The following ZNF239 variants were observed in gnomAD, a reference collection of about 807,000 sequenced individuals.
ZNF239 encodes the protein zinc finger protein (C2H2) homologous to mouse MOK-2.
Under a neutral mutation model 27.5 loss-of-function variants are expected in ZNF239, and 16 were observed. That is an observed-to-expected ratio of 0.58 (90% CI 0.39 to 0.88). The LOEUF (loss-of-function observed/expected upper bound fraction) is 0.88, where lower values mean the gene tolerates loss of function less well. Ranked by LOEUF, ZNF239 falls within the 40% of genes least tolerant of loss-of-function variation. The pLI, the probability that ZNF239 is intolerant of heterozygous loss-of-function variation, is 0.00. For missense variants in ZNF239, 527 were observed against 551.9 expected, an observed-to-expected ratio of 0.95 and a Z score of 0.45; for synonymous variants, 199 against 192.6, an observed-to-expected ratio of 1.03 and a Z score of -0.27.
Position 43,557,776 on chromosome 10 carries a change from T to A in ZNF239, c.304A>T (p.Thr102Ser). 1 of 1,614,192 alleles carries A rather than the reference T, an allele frequency of 6.2e-7. No homozygotes were observed. The highest frequency in any genetic ancestry group is 8.5e-7 in the Non-Finnish European group (1 of 1,180,040). Residue 102 changes from threonine (T) to serine (S), a missense_variant, in exon 4 of 4, where the codon ACT (threonine) becomes TCT (serine). Transcript: ENST00000374446. ...TCCCCCTTTATCACTTTTCTCTCAG[T>A]GCTTTCTTCCATTACAAAGAGACGT... ...SRRLFVMEESTERKVIKGESC... is the reference protein window; with the variant it reads ...SRRLFVMEESSERKVIKGESC...
Position 43,567,914 on chromosome 10 carries a change from G to A in ZNF239, c.-108C>T, listed in dbSNP as rs1837786598. ...CCTTACCCACCAAGACCAAGTTTCTGTAGTTGCCCAGCATCACAGCTCCGC... is the reference window on the plus strand; with the variant it reads ...CCTTACCCACCAAGACCAAGTTTCTATAGTTGCCCAGCATCACAGCTCCGC... On this transcript the variant is annotated 5_prime_UTR_variant, in exon 3 of 4. Transcript: ENST00000374446. 1 of 985,826 alleles carries A rather than the reference G, an allele frequency of 1.0e-6. No homozygotes were observed. Among genetic ancestry groups the A allele is most frequent in the East Asian group, 1.1e-4 (1 of 8,820 alleles). The allele number at this position is 985,826 out of a possible 1,614,324, so 61.1% of individuals were successfully genotyped here.
At chr10:43,570,618 T>C in intron 2 of ZNF239, 1 of 984,978 alleles carries the variant, frequency 1.0e-6, no homozygotes, top group African/African-American at 1.7e-5. Flanking sequence ...CCTCCTTCTC[T>C]ACCTCAACAA....
chr10:43,565,003 G>A (rs888097812), intron 3 of ZNF239, among the ~76,000 whole-genome samples: 2 of 152,222 alleles, frequency 1.3e-5, no homozygotes, highest in African/African-American at 4.8e-5. Context: ...CCTCCTATAA[G>A]TGGACATACC....
intron 3 of ZNF239, among the ~76,000 whole-genome samples, chr10:43,561,010 G>A (rs931785909): frequency 1.3e-5 from 2 of 152,136 alleles, no homozygotes; most frequent in Non-Finnish European, 2.9e-5. Context: ...TCCTAGATAT[G>A]TGTCAGGCTG....
Position 43,557,970 on chromosome 10 carries a change from G to C in ZNF239, c.110C>G (p.Ser37Cys), listed in dbSNP as rs1179673838. Reference sequence around the variant, plus strand: ...GTCCCTGTTTCTGGAAATAGGAGAAGATGCTTCTCCCCACTGTTGACAAGG... The same window carrying C: ...GTCCCTGTTTCTGGAAATAGGAGAACATGCTTCTCCCCACTGTTGACAAGG... ...ISPCQQWGEA[S>C]SPISRNRDSV... Residue 37 changes from serine to cysteine, a missense_variant, in exon 4 of 4, where the codon TCT becomes TGT. Coordinates refer to ENST00000374446, the MANE Select transcript of ZNF239 (RefSeq NM_001099282.2). 1 of 1,614,068 alleles carries C rather than the reference G, an allele frequency of 6.2e-7. No homozygotes were observed. The highest frequency in any genetic ancestry group is 8.5e-7 in the Non-Finnish European group (1 of 1,180,042).
In ZNF239 at chr10:43,557,218, C is replaced by T. The variant is rs376953022; in HGVS notation, c.862G>A (p.Glu288Lys). 16 of 1,613,974 alleles carry T rather than the reference C, an allele frequency of 9.9e-6. No individual in the cohort carries two copies. The highest frequency in any genetic ancestry group is 6.7e-5 in the Admixed American group (4 of 59,994). The change falls in exon 4 of 4, where the codon GAA becomes AAA. Residue 288 changes from glutamate (E) to lysine (K), a missense_variant. Physicochemically the swap from Glu to Lys is moderately conservative, Grantham distance 56. Transcript: ENST00000374446. ...LLIHHAVHTG[E>K]KPYKCDKCGK... ...CACTTGTCACATTTATAAGGTTTTT[C>T]GCCTGTATGGACGGCATGATGGATG... is the stretch of plus-strand genomic sequence containing the variant.
intron 3 of ZNF239, among the ~76,000 whole-genome samples, chr10:43,560,364 G>C (rs565866735): frequency 2.0e-5 from 3 of 152,176 alleles, no homozygotes; most frequent in Non-Finnish European, 4.4e-5. Context: ...TTTAATGGGA[G>C]TTCTGACAAG....
Position 43,556,407 on chromosome 10 carries a change from T to G in ZNF239, c.*296A>C. On this transcript the variant is annotated 3_prime_UTR_variant, in exon 4 of 4. Transcript: ENST00000374446. ...TGAACAAAGGGAAACATGCCCTGCT[T>G]GAGAATAAATATAAAGTTCTTGCCG... is the stretch of plus-strand genomic sequence containing the variant. The G allele has an allele frequency of 7.1e-5, 22 of 307,726 alleles. No individual in the cohort carries two copies. The highest frequency in any genetic ancestry group is 2.3e-4 in the East Asian group (4 of 17,104). The allele number at this position is 307,726 out of a possible 1,614,324, so 19.1% of individuals were successfully genotyped here. A position where few individuals can be genotyped will look rare whatever the true frequency, so the allele number is the denominator to read the frequency against.
chr10:43,557,747 A>G lies in ZNF239; in HGVS notation c.333T>C (p.Ser111=), dbSNP rs1588779276. 1.2e-6 allele frequency: 2 copies of G among 1,614,126 alleles called. No homozygotes were observed. Reference sequence around the variant, plus strand: ...GTTTAACTTGAAGGTTCTCTGAACAACTTTCCCCCTTTATCACTTTTCTCT... The same window carrying G: ...GTTTAACTTGAAGGTTCTCTGAACAGCTTTCCCCCTTTATCACTTTTCTCT... ...STERKVIKGE[S]CSENLQVKLV... Residue 111 remains serine (S), a synonymous_variant, in exon 4 of 4, where the codon AGT becomes AGC. Coordinates refer to ENST00000374446, the MANE Select transcript of ZNF239 (RefSeq NM_001099282.2).
chr10:43,559,422 A>T (rs1837057532), intron 3 of ZNF239, among the ~76,000 whole-genome samples: 1 of 152,186 alleles, frequency 6.6e-6, no homozygotes. Context: ...CCTAGAAGAG[A>T]AAGGAGGCAC....
At chr10:43,564,086 T>C (rs1413372807) in intron 3 of ZNF239, 4 of 154,944 alleles carry the variant, frequency 2.6e-5, no homozygotes, top group Non-Finnish European at 4.3e-5. Context: ...TCCTTCCAGG[T>C]CTTTGGGTCT....
rs78330278 is a variant in ZNF239 at position 43,567,830 on chromosome 10, G to A, written c.-93+69C>T. 983 of 831,716 alleles carry A rather than the reference G, an allele frequency of 1.2e-3. 1 individual carries two copies. The African/African-American group carries it at 0.013, about 11-fold the overall frequency. The allele number at this position is 831,716 out of a possible 1,614,324, so 51.5% of individuals were successfully genotyped here. On this transcript the variant is annotated intron_variant, in intron 3 of 3. Transcript: ENST00000374446. Reference sequence around the variant, plus strand: ...TAGAATAGTCAGAAAACATCCTTTTGTGTCAAAAAGGAAGTAGGAAACAAA... The same window carrying A: ...TAGAATAGTCAGAAAACATCCTTTTATGTCAAAAAGGAAGTAGGAAACAAA...
chr10:43,569,192 C>G (rs557282347), intron 2 of ZNF239, among the ~76,000 whole-genome samples: 1 of 152,218 alleles, frequency 6.6e-6, no homozygotes, highest in South Asian at 2.1e-4. Flanking sequence ...CTATCACCCA[C>G]CTCCTTTACC....
At position 43,557,862 on chromosome 10, in the gene ZNF239, T is replaced by C. The variant is rs763518226; in HGVS notation, c.218A>G (p.Asp73Gly). The C allele has an allele frequency of 1.2e-6, 2 of 1,614,238 alleles. No individual in the cohort carries two copies. Among genetic ancestry groups the C allele is most frequent in the Admixed American group, 1.7e-5 (1 of 60,032 alleles). Residue 73 changes from aspartate (D) to glycine (G), a missense_variant, in exon 4 of 4, where the codon GAC (aspartate) becomes GGC (glycine). Physicochemically the swap from Asp to Gly is moderately conservative, Grantham distance 94 (BLOSUM62 -1). Coordinates refer to ENST00000374446, the MANE Select transcript of ZNF239 (RefSeq NM_001099282.2). ...GAACTTCACTGAAGAGTCTTGTGTG[T>C]CTATTTGGCTTGAGACTTTCAAAGG... ...YLPLKVSSQI[D>G]TQDSSVKFCK... is the part of the protein sequence containing the mutation.
chr10:43,572,523 A>G (rs1436647765), intron 2 of ZNF239, among the ~76,000 whole-genome samples: 4 of 152,168 alleles, frequency 2.6e-5, no homozygotes, highest in Non-Finnish European at 5.9e-5. Context: ...TGATGTGATG[A>G]CCTGTTTAGT....
chr10:43,568,131 T>C (rs1014753943), intron 2 of ZNF239, 110 bp from the exon 3 acceptor site: 32 of 985,472 alleles, frequency 3.2e-5, no homozygotes, highest in Non-Finnish European at 3.7e-5. Flanking sequence ...TAGAAGAAGT[T>C]TGCAGCTCAG....
chr10:43,567,091 A>G (rs1174014737), intron 3 of ZNF239, among the ~76,000 whole-genome samples: 1 of 126,222 alleles, frequency 7.9e-6, no homozygotes, highest in African/African-American at 3.0e-5. Context: ...AAAGAGGGAG[A>G]CTCCGTCTCA....
chr10:43,570,956 AT>A, intron 2 of ZNF239: 1 of 985,294 alleles, frequency 1.0e-6, no homozygotes. Context: ...GAAAAGAATC[AT>A]TGTGACAAGG....
At chr10:43,570,903 T>C (rs1278011976) in intron 2 of ZNF239, 3 of 985,166 alleles carry the variant, frequency 3.0e-6, no homozygotes, top group Non-Finnish European at 3.6e-6. Flanking sequence ...GGTGGACTAC[T>C]AACTTTGTGG....
Sources: gnomAD v4.1 joint callset for allele counts (sites outside exome capture counted in the v4.1 genomes callset) on GRCh38, gnomAD v4.1.1 for gene constraint, MANE v1.5 for transcripts, NCBI Gene and HGNC (gene_info 2026-07-23, HGNC 2026-07-21) for gene names.